KCNIP3: variants seen among roughly 807,000 people sequenced by gnomAD.
The protein encoded by KCNIP3 is calsenilin.
Under a neutral mutation model 35.0 loss-of-function variants are expected in KCNIP3, and 28 were observed. The ratio of observed to expected loss-of-function variants is 0.80; its 90% confidence interval spans 0.59 to 1.10. The LOEUF (loss-of-function observed/expected upper bound fraction) is 1.10, where lower values mean the gene tolerates loss of function less well. Among genes scored for constraint, KCNIP3 ranks in the 50% least tolerant of loss-of-function variants. The pLI is 0.00. For synonymous variants in KCNIP3, 134 were observed against 133.8 expected (o/e 1.00, Z -0.01); for missense variants, 295 against 338.4 (o/e 0.87, Z 1.01).
chr2:95,364,328 A>C (rs1679867604), intron 2 of KCNIP3, among the ~76,000 whole-genome samples: 1 of 152,138 alleles, frequency 6.6e-6, no homozygotes, highest in African/African-American at 2.4e-5. Flanking sequence ...TCCAGATAAA[A>C]TCTTCTTGAT....
intron 2 of KCNIP3, among the ~76,000 whole-genome samples, chr2:95,331,503 T>C (rs941198563): frequency 6.6e-5 from 10 of 152,180 alleles, no homozygotes; most frequent in African/African-American, 9.6e-5. Context: ...CATCAGCACA[T>C]AGACGGATTT....
At chr2:95,356,357 A>C (rs960682655) in intron 2 of KCNIP3, among the ~76,000 whole-genome samples, 3 of 152,036 alleles carry the variant, frequency 2.0e-5, no homozygotes, top group Non-Finnish European at 2.9e-5. Flanking sequence ...GTTTACTTAG[A>C]TCCCATTTGT....
chr2:95,310,135 G>T, intron 1 of KCNIP3: 1 of 677,966 alleles, frequency 1.5e-6, no homozygotes, highest in Non-Finnish European at 2.7e-6. Flanking sequence ...CTCTTCCAGG[G>T]GTCCCATCTT....
At position 95,353,906 on chromosome 2, in the gene KCNIP3, AC is replaced by A. The variant is rs200572086; in HGVS notation, c.182-20389del. Reference sequence around the variant, plus strand: ...TGGTTGTCACAGTTGGGGAGGTGCTACTGGCATCTGGGGGTTACAGGCCAGG... The same window carrying A: ...TGGTTGTCACAGTTGGGGAGGTGCTATGGCATCTGGGGGTTACAGGCCAGG... On this transcript the variant is annotated intron_variant, in intron 2 of 8. Transcript: ENST00000295225. Among the ~76,000 whole-genome samples the A allele has an allele frequency of 6.3e-3, 958 of 152,296 alleles. 8 individuals carry two copies. The highest frequency in any genetic ancestry group is 0.017 in the Middle Eastern group (5 of 294).
chr2:95,327,967 C>T (rs1250328206), intron 2 of KCNIP3, among the ~76,000 whole-genome samples: 4 of 152,348 alleles, frequency 2.6e-5, no homozygotes, highest in East Asian at 3.9e-4. Flanking sequence ...GTTGGGTTGT[C>T]GGGGACAGAC....
At chr2:95,299,659 G>A (rs538723612) in intron 1 of KCNIP3, among the ~76,000 whole-genome samples, 52 of 152,358 alleles carry the variant, frequency 3.4e-4, no homozygotes, top group African/African-American at 1.0e-3. Context: ...CGCTGCTGTC[G>A]CGGTGTTGAG....
intron 2 of KCNIP3, among the ~76,000 whole-genome samples, chr2:95,354,575 C>T (rs981720178): frequency 6.6e-6 from 1 of 152,126 alleles, no homozygotes; most frequent in Non-Finnish European, 1.5e-5. Context: ...GGGTCTGGCC[C>T]ACTGCCCTTG....
chr2:95,336,055 T>C (rs1679053080), intron 2 of KCNIP3, among the ~76,000 whole-genome samples: 1 of 152,266 alleles, frequency 6.6e-6, no homozygotes, highest in South Asian at 2.1e-4. Flanking sequence ...TAATTTTTAG[T>C]TGAACACTGT....
intron 8 of KCNIP3, among the ~76,000 whole-genome samples, 189 bp downstream of exon 8, chr2:95,383,483 C>T (rs1414290752): frequency 6.6e-6 from 1 of 152,014 alleles, no homozygotes; most frequent in Non-Finnish European, 1.5e-5. Context: ...TGAGTCTCCT[C>T]CTCCCCACCC....
At chr2:95,352,243 G>C (rs1679544448) in intron 2 of KCNIP3, among the ~76,000 whole-genome samples, 1 of 152,162 alleles carries the variant, frequency 6.6e-6, no homozygotes, top group Non-Finnish European at 1.5e-5. Flanking sequence ...AACAGAGCAA[G>C]ACTCTGTCTC....
rs1680213141 is a variant in KCNIP3 at position 95,376,818 on chromosome 2, C to A, written c.447+1610C>A. Reference sequence around the variant, plus strand: ...GGAGAACACCGGGCCATCCTCACTGCCAGCCCTCAGAGCCTCCTACGTGCG... The same window carrying A: ...GGAGAACACCGGGCCATCCTCACTGACAGCCCTCAGAGCCTCCTACGTGCG... On this transcript the variant is annotated intron_variant, in intron 5 of 8. Coordinates refer to ENST00000295225, the MANE Select transcript of KCNIP3 (RefSeq NM_013434.5). This position sits in a 1 kb window ranked among gnomAD's most constrained non-coding sequence, Gnocchi z 4.2. 6.6e-6 allele frequency among the ~76,000 whole-genome samples: 1 copy of A among 152,194 alleles called. No individual in the cohort carries two copies. Among genetic ancestry groups the A allele is most frequent in the Admixed American group, 6.5e-5 (1 of 15,282 alleles).
intron 2 of KCNIP3, among the ~76,000 whole-genome samples, chr2:95,326,046 T>TAC (rs146126000): frequency 2.0e-5 from 3 of 149,256 alleles, no homozygotes; most frequent in East Asian, 2.0e-4. Flanking sequence ...TACACTCATA[T>TAC]ACACACACAC....
chr2:95,314,239 C>T (rs1678399087), intron 2 of KCNIP3, among the ~76,000 whole-genome samples: 2 of 152,098 alleles, frequency 1.3e-5, no homozygotes, highest in South Asian at 2.1e-4. Flanking sequence ...AGAATTTTCG[C>T]GTATTTGAAG....
At chr2:95,363,163 G>C (rs752688845) in intron 2 of KCNIP3, among the ~76,000 whole-genome samples, 2 of 151,906 alleles carry the variant, frequency 1.3e-5, no homozygotes, top group Non-Finnish European at 1.5e-5. Context: ...CTTGTGGTTT[G>C]AGCTTTTGGA....
intron 1 of KCNIP3, among the ~76,000 whole-genome samples, chr2:95,303,939 T>G (rs1260719102): frequency 6.6e-6 from 1 of 152,158 alleles, no homozygotes; most frequent in African/African-American, 2.4e-5. Flanking sequence ...TGTAAATGAT[T>G]ATCATTTCAA....
In KCNIP3 at chr2:95,384,205, C is replaced by CACAG; in HGVS notation, c.*157_*158insCAGA. The stretch of plus-strand genomic sequence containing the variant: ...ACACACACACACACACACACACACA[C>CACAG]AGCCATTCATCTGGGCTGGCAGAGG... On this transcript the variant is annotated 3_prime_UTR_variant, in exon 9 of 9. Coordinates refer to ENST00000295225, the MANE Select transcript of KCNIP3 (RefSeq NM_013434.5). 4 of 651,344 alleles carry CACAG rather than the reference C, an allele frequency of 6.1e-6. No homozygotes were observed. The highest frequency in any genetic ancestry group is 1.1e-5 in the Non-Finnish European group (4 of 364,290). 40.3% of individuals were successfully genotyped at this position (651,344 alleles called of 1,614,324 possible).
chr2:95,332,336 C>T (rs958484069), intron 2 of KCNIP3, among the ~76,000 whole-genome samples: 4 of 152,244 alleles, frequency 2.6e-5, no homozygotes, highest in African/African-American at 4.8e-5. Context: ...AAGTCTGGCC[C>T]GCCTTGGTGG....
chr2:95,379,136 C>G (rs1680276572), intron 5 of KCNIP3, among the ~76,000 whole-genome samples: 1 of 151,932 alleles, frequency 6.6e-6, no homozygotes, highest in Admixed American at 6.6e-5. Flanking sequence ...AGCCCCCCAC[C>G]CATCCCCCAG....
intron 2 of KCNIP3, among the ~76,000 whole-genome samples, chr2:95,324,523 G>GATAGATAAATAA (rs1553443488): frequency 2.7e-5 from 4 of 145,760 alleles, no homozygotes; most frequent in South Asian, 2.1e-4. Context: ...AAAATAAATA[G>GATAGATAAATAA]ATAAATAAAT....
Sources: allele counts gnomAD v4.1 joint callset (sites outside exome capture counted in the v4.1 genomes callset), GRCh38; gene constraint gnomAD v4.1.1; non-coding constraint Gnocchi (gnomAD v3.1); transcripts MANE v1.5; gene names NCBI Gene and HGNC (gene_info 2026-07-23, HGNC 2026-07-21).